Variants in INTS8 observed in about 807,000 individuals in gnomAD.
INTS8 encodes the protein protein kaonashi-1.
INTS8 carries 47 observed loss-of-function variants against 138.9 expected under a neutral mutation model. The ratio of observed to expected loss-of-function variants is 0.34; its 90% CI spans 0.27 to 0.43. The LOEUF (loss-of-function observed/expected upper bound fraction) is 0.43, where lower values mean the gene tolerates loss of function less well. Among genes scored for constraint, INTS8 ranks in the 20% least tolerant of loss-of-function variants. The pLI, the probability that INTS8 is intolerant of heterozygous loss-of-function variation, is 1.00. For missense variants in INTS8, 996 were observed against 1,173.0 expected (o/e 0.85, Z 2.20); for synonymous variants, 392 against 400.9 (o/e 0.98, Z 0.27).
intron 3 of INTS8, 131 bp downstream of exon 3, chr8:94,827,534 A>G: frequency 8.4e-7 from 1 of 1,184,838 alleles, no homozygotes; most frequent in African/African-American, 1.5e-5. Flanking sequence ...TGTGAGTCTA[A>G]TGGTGGAGAA....
chr8:94,823,677 A>G (rs912266982), intron 1 of INTS8, 116 bp downstream of exon 1: 2 of 807,280 alleles, frequency 2.5e-6, no homozygotes, highest in South Asian at 1.9e-5. Flanking sequence ...AGGCGCGCAC[A>G]GGAGCCCAGC....
intron 20 of INTS8, chr8:94,867,541 T>C (rs1277088093): frequency 2.8e-6 from 1 of 351,858 alleles, no homozygotes; most frequent in Non-Finnish European, 4.9e-6. Flanking sequence ...TTTTTTTTTT[T>C]GAGGCAGAGT....
intron 1 of INTS8, among the ~76,000 whole-genome samples, 199 bp from the exon 2 acceptor site, chr8:94,824,694 C>A (rs1295128261): frequency 6.6e-6 from 1 of 151,192 alleles, no homozygotes; most frequent in African/African-American, 2.4e-5. Flanking sequence ...CTCCTTTAAC[C>A]CCCAGGCACA....
At chr8:94,878,587 T>C (rs1816654780) in intron 26 of INTS8, among the ~76,000 whole-genome samples, 1 of 152,244 alleles carries the variant, frequency 6.6e-6, no homozygotes, top group Non-Finnish European at 1.5e-5. Flanking sequence ...AATAACCTTC[T>C]AATGAATTGA....
intron 1 of INTS8, among the ~76,000 whole-genome samples, chr8:94,824,264 C>G (rs1053538500): frequency 6.6e-6 from 1 of 152,026 alleles, no homozygotes; most frequent in African/African-American, 2.4e-5. Flanking sequence ...ATGGCTTGTT[C>G]AGTCTCAGAC....
At position 94,827,657 on chromosome 8, in the gene INTS8, T is replaced by C. The variant is rs1483031011; in HGVS notation, c.447-65T>C. ...TAATTTATACAAACCTAAGGAGTACTTGAAAAAATAATTGAGATGACATTT... is the reference window on the plus strand; with the variant it reads ...TAATTTATACAAACCTAAGGAGTACCTGAAAAAATAATTGAGATGACATTT... On this transcript the variant is annotated intron_variant, in intron 3 of 26. Transcript: ENST00000523731. 2.9e-6 allele frequency: 4 copies of C among 1,372,782 alleles called. No homozygotes were observed. In the African/African-American group the frequency reaches 5.7e-5, roughly 20 times the overall value. The allele number at this position is 1,372,782 out of a possible 1,614,324, so 85.0% of individuals were successfully genotyped here.
chr8:94,856,791 T>C lies in INTS8; in HGVS notation c.1767T>C (p.Ala589=). Residue 589 remains alanine, a synonymous_variant, in exon 15 of 27, where the codon GCT becomes GCC. Coordinates refer to ENST00000523731, the MANE Select transcript of INTS8 (RefSeq NM_017864.4). ...TCTTTTCATAGGACTTTTCCCATGC[T>C]AAACAGCTCTTTGCTGCTTGTTTGG... is the stretch of plus-strand genomic sequence containing the variant. ...HCSTVKDFSH[A]KQLFAACLEL... 6.2e-7 allele frequency: 1 copy of C among 1,614,212 alleles called. No individual in the cohort carries two copies. The highest frequency in any genetic ancestry group is 8.5e-7 in the Non-Finnish European group (1 of 1,180,012).
chr8:94,828,378 G>T (rs1814590004), intron 4 of INTS8, among the ~76,000 whole-genome samples: 1 of 152,098 alleles, frequency 6.6e-6, no homozygotes, highest in South Asian at 2.1e-4. Context: ...TCTTGAAAAA[G>T]ATTTGTATGT....
intron 5 of INTS8, among the ~76,000 whole-genome samples, chr8:94,829,832 T>C (rs1345356885): frequency 6.6e-6 from 1 of 152,246 alleles, no homozygotes; most frequent in African/African-American, 2.4e-5. Context: ...TTTTGTATTT[T>C]CTAAAAACTC....
Position 94,880,784 on chromosome 8 carries a change from G to T in INTS8, c.*550G>T, listed in dbSNP as rs1816779091. 2 of 398,074 alleles carry T rather than the reference G, an allele frequency of 5.0e-6. No individual in the cohort carries two copies. The allele number at this position is 398,074 out of a possible 1,614,324, so 24.7% of individuals were successfully genotyped here. ...TAAATTAAAAAAAAAAATTCCTTAG[G>T]GATATCTTAGAGTAGTAAAGTGACT... On this transcript the variant is annotated 3_prime_UTR_variant, in exon 27 of 27. Coordinates refer to ENST00000523731, the MANE Select transcript of INTS8 (RefSeq NM_017864.4).
chr8:94,867,142 A>G lies in INTS8; in HGVS notation c.2298A>G (p.Glu766=). The G allele has an allele frequency of 6.2e-7, 1 of 1,606,216 alleles. No homozygotes were observed. The highest frequency in any genetic ancestry group is 8.5e-7 in the Non-Finnish European group (1 of 1,174,836). ...ELLSFIKKLR[E]PLVLTIILSL... Reference sequence around the variant, plus strand: ...ATTCTGTGTTTTCTTTCTCATAGGAACCACTCGTTTTGACTATTATTTTAT... The same window carrying G: ...ATTCTGTGTTTTCTTTCTCATAGGAGCCACTCGTTTTGACTATTATTTTAT... Residue 766 remains glutamate (E), a splice_region_variant and synonymous_variant, in exon 19 of 27, where the codon GAA becomes GAG. Transcript: ENST00000523731.
chr8:94,878,515 C>A (rs1429125585), intron 26 of INTS8, among the ~76,000 whole-genome samples: 1 of 152,146 alleles, frequency 6.6e-6, no homozygotes, highest in Non-Finnish European at 1.5e-5. Context: ...CGCTATGCAG[C>A]CCATAAGAGG....
At chr8:94,861,769 C>G (rs1282599632) in intron 16 of INTS8, among the ~76,000 whole-genome samples, 5 of 146,978 alleles carry the variant, frequency 3.4e-5, no homozygotes, top group Non-Finnish European at 7.4e-5. Flanking sequence ...TCAGGCGGGT[C>G]TGAACTCCCG....
At chr8:94,878,742 C>T (rs929238730) in intron 26 of INTS8, among the ~76,000 whole-genome samples, 11 of 152,182 alleles carry the variant, frequency 7.2e-5, no homozygotes, top group African/African-American at 2.7e-4. Context: ...TGACTTCTGC[C>T]ATCACTGCTC....
intron 23 of INTS8, among the ~76,000 whole-genome samples, chr8:94,875,375 G>T (rs964899429): frequency 2.0e-5 from 3 of 152,152 alleles, no homozygotes; most frequent in African/African-American, 7.2e-5. Flanking sequence ...AGACACAAAA[G>T]GCTACATAGT....
intron 20 of INTS8, among the ~76,000 whole-genome samples, chr8:94,869,504 A>AT (rs1165033028): frequency 6.7e-6 from 1 of 150,224 alleles, no homozygotes; most frequent in African/African-American, 2.5e-5. Flanking sequence ...TTTTATTTTT[A>AT]TTTTTTGAGA....
chr8:94,880,192 G>A lies in INTS8; in HGVS notation c.2946G>A (p.Arg982=), dbSNP rs1406779304. Residue 982 remains arginine, a synonymous_variant, in exon 27 of 27, where the codon AGG becomes AGA. Coordinates refer to ENST00000523731, the MANE Select transcript of INTS8 (RefSeq NM_017864.4). Reference sequence around the variant, plus strand: ...TGTTACAGCTGGCAGCGCAGAGAAGGAAAAAAAAGTTTCTCCAAGCAATGG... The same window carrying A: ...TGTTACAGCTGGCAGCGCAGAGAAGAAAAAAAAAGTTTCTCCAAGCAATGG... ...EEVLQLAAQR[R]KKKFLQAMAK... The A allele has an allele frequency of 2.2e-5, 35 of 1,606,770 alleles. No individual in the cohort carries two copies. Among genetic ancestry groups the A allele is most frequent in the Non-Finnish European group, 2.4e-5 (28 of 1,177,756 alleles).
chr8:94,861,256 AT>A (rs1210530804), intron 16 of INTS8, among the ~76,000 whole-genome samples: 69 of 57,382 alleles, frequency 1.2e-3, no homozygotes, highest in Non-Finnish European at 1.7e-3. Flanking sequence ...CCTTTTTGTA[AT>A]TTTTTTTTTT....
chr8:94,849,071 A>G (rs1025853232), intron 10 of INTS8, among the ~76,000 whole-genome samples: 2 of 150,594 alleles, frequency 1.3e-5, no homozygotes, highest in Admixed American at 6.6e-5. Context: ...TAAATCACTT[A>G]CTCTTTTCAA....
Sources: gnomAD v4.1 joint callset for allele counts (sites outside exome capture counted in the v4.1 genomes callset) on GRCh38, gnomAD v4.1.1 for gene constraint, MANE v1.5 for transcripts, NCBI Gene and HGNC (gene_info 2026-07-23, HGNC 2026-07-21) for gene names.